Variants in RGS9 observed in about 807,000 individuals in gnomAD.
RGS9 encodes the protein regulator of G protein signaling 9.
In RGS9, 78 loss-of-function variants were observed where a neutral mutation model predicts 102.0. The observed-to-expected ratio is 0.76, with a 90% CI of 0.64 to 0.92. RGS9 has a LOEUF of 0.92. RGS9 is among the 40% of genes least tolerant of loss of function. The pLI, the probability that RGS9 is intolerant of heterozygous loss-of-function variation, is 0.00. For missense variants in RGS9, 833 were observed against 866.1 expected, an observed-to-expected ratio of 0.96 and a Z score of 0.48; for synonymous variants, 353 against 318.6, an observed-to-expected ratio of 1.11 and a Z score of -1.15.
chr17:65,144,378 A>G (rs934875935), intron 1 of RGS9, among the ~76,000 whole-genome samples: 1 of 152,170 alleles, frequency 6.6e-6, no homozygotes, highest in African/African-American at 2.4e-5. Flanking sequence ...CAGAGCCATC[A>G]AAGCCCTCAT....
chr17:65,149,752 A>G (rs544902140), intron 1 of RGS9, among the ~76,000 whole-genome samples: 4 of 152,350 alleles, frequency 2.6e-5, no homozygotes, highest in South Asian at 2.1e-4. Flanking sequence ...AGGGATTATA[A>G]AGTCACAAAT....
chr17:65,215,496 CGTTCT>C (rs1567893280), intron 17 of RGS9, among the ~76,000 whole-genome samples: 27 of 110,020 alleles, frequency 2.5e-4, no homozygotes, highest in Middle Eastern at 4.3e-3. Context: ...TTCGTTCTTT[CGTTCT>C]TTCTTTCTTT....
intron 8 of RGS9, among the ~76,000 whole-genome samples, chr17:65,172,930 C>CT (rs543976250): frequency 0.08 from 11,821 of 148,140 alleles, 553 homozygotes; most frequent in Middle Eastern, 0.13. Flanking sequence ...TTCTTTCTTT[C>CT]TTTTTTTTTT....
chr17:65,202,531 G>C (rs1912899733), intron 14 of RGS9, among the ~76,000 whole-genome samples: 1 of 151,908 alleles, frequency 6.6e-6, no homozygotes, highest in Non-Finnish European at 1.5e-5. Context: ...TTAGAGATGT[G>C]AGGAACACAG....
intron 18 of RGS9, among the ~76,000 whole-genome samples, chr17:65,227,051 A>T (rs1303441577): frequency 6.6e-6 from 1 of 152,230 alleles, no homozygotes; most frequent in African/African-American, 2.4e-5. Flanking sequence ...TTTTTCATTC[A>T]AAATGAAAAT....
intron 13 of RGS9, 127 bp downstream of exon 13, chr17:65,197,368 G>A: frequency 2.8e-6 from 2 of 713,088 alleles, no homozygotes; most frequent in Non-Finnish European, 5.0e-6. Context: ...CCCTTAAACA[G>A]TTGCTTCCTT....
chr17:65,179,447 A>T (rs1911769009), intron 9 of RGS9, among the ~76,000 whole-genome samples: 1 of 152,090 alleles, frequency 6.6e-6, no homozygotes, highest in Non-Finnish European at 1.5e-5. Flanking sequence ...ATGGAAACAG[A>T]ATCCTCGAGT....
intron 14 of RGS9, 61 bp downstream of exon 14, chr17:65,202,141 T>G: frequency 8.7e-7 from 1 of 1,153,304 alleles, no homozygotes; most frequent in South Asian, 1.2e-5. Flanking sequence ...CACCCCATTG[T>G]GCTTGAGGTG....
chr17:65,152,355 G>A (rs938299), intron 1 of RGS9, among the ~76,000 whole-genome samples: 77,689 of 151,866 alleles, frequency 0.51, 22,965 homozygotes, highest in African/African-American at 0.83. Context: ...GAGAGGAAGG[G>A]GGTCCCGAAC....
intron 11 of RGS9, among the ~76,000 whole-genome samples, chr17:65,190,709 TCTGGCTA>T (rs1912334150): frequency 6.6e-6 from 1 of 152,228 alleles, no homozygotes; most frequent in Non-Finnish European, 1.5e-5. Flanking sequence ...TATTGAACTT[TCTGGCTA>T]CCTTGACCCA....
rs377436093 is a variant in RGS9, at chr17:65,153,567, C to G, written c.154+49C>G. On this transcript the variant is annotated intron_variant, in intron 2 of 18. Coordinates refer to ENST00000262406, the MANE Select transcript of RGS9 (RefSeq NM_003835.4). Reference sequence around the variant, plus strand: ...TTGGCCTGGAATAGACCCCACAGGCCCAATACGGCCCACCTCCTGTGTTTG... The same window carrying G: ...TTGGCCTGGAATAGACCCCACAGGCGCAATACGGCCCACCTCCTGTGTTTG... The G allele has an allele frequency of 1.2e-4, 168 of 1,384,550 alleles. No individual in the cohort carries two copies. In the African/African-American group the frequency reaches 1.8e-3, roughly 15 times the overall value. 85.8% of individuals were successfully genotyped at this position (1,384,550 alleles called of 1,614,324 possible). A position where few individuals can be genotyped will look rare whatever the true frequency, so the allele number is the denominator to read the frequency against.
intron 1 of RGS9, among the ~76,000 whole-genome samples, chr17:65,147,430 G>C (rs1233825924): frequency 3.9e-5 from 6 of 152,048 alleles, no homozygotes; most frequent in Non-Finnish European, 7.4e-5. Context: ...TCAGCATCAA[G>C]TTAGGTCATG....
At chr17:65,202,878 T>A (rs942355858) in intron 14 of RGS9, among the ~76,000 whole-genome samples, 1 of 152,164 alleles carries the variant, frequency 6.6e-6, no homozygotes, top group Non-Finnish European at 1.5e-5. Flanking sequence ...CCCATCTCTG[T>A]GGGTCCTTTC....
At chr17:65,216,435 C>T (rs1044833573) in intron 17 of RGS9, among the ~76,000 whole-genome samples, 2 of 152,066 alleles carry the variant, frequency 1.3e-5, no homozygotes, top group African/African-American at 2.4e-5. Flanking sequence ...GTCAGGAAAT[C>T]GAAGCATCCT....
At chr17:65,156,045 A>G (rs1401918447) in intron 2 of RGS9, among the ~76,000 whole-genome samples, 2 of 151,742 alleles carry the variant, frequency 1.3e-5, no homozygotes, top group Admixed American at 1.3e-4. Context: ...TTTTTTTGAG[A>G]CAGGGTCTTT....
intron 7 of RGS9, among the ~76,000 whole-genome samples, chr17:65,167,035 C>T (rs1387080230): frequency 6.6e-6 from 1 of 152,052 alleles, no homozygotes; most frequent in African/African-American, 2.4e-5. Context: ...CAAGCATTAA[C>T]AAGTGTGAGC....
At chr17:65,162,084 C>G (rs1911007190) in intron 6 of RGS9, among the ~76,000 whole-genome samples, 1 of 152,128 alleles carries the variant, frequency 6.6e-6, no homozygotes, top group African/African-American at 2.4e-5. Context: ...ATTTGTGATG[C>G]TCTGTTGTTG....
chr17:65,164,011 A>G lies in RGS9; in HGVS notation c.500+922A>G, dbSNP rs1242470778. Among the ~76,000 whole-genome samples the G allele has an allele frequency of 2.0e-5, 3 of 152,358 alleles. No homozygotes were observed. The South Asian group carries it at 6.2e-4, about 32-fold the overall frequency. ...CGTTCACTTGCATTTGCCTGTTGCCATATCAGAACTGGAACTGGAAGTCCC... is the reference window on the plus strand; with the variant it reads ...CGTTCACTTGCATTTGCCTGTTGCCGTATCAGAACTGGAACTGGAAGTCCC... On this transcript the variant is annotated intron_variant, in intron 7 of 18. Transcript: ENST00000262406.
chr17:65,138,910 T>C lies in RGS9; in HGVS notation c.57+1313T>C, dbSNP rs1910014388. Among the ~76,000 whole-genome samples the C allele has an allele frequency of 3.0e-5, 3 of 99,170 alleles. No individual in the cohort carries two copies. The Admixed American group carries it at 3.5e-4, about 12-fold the overall frequency. The allele number at this position is 99,170 out of a possible 152,430, so 65.1% of individuals were successfully genotyped here. Reference sequence around the variant, plus strand: ...TACCTTGGTCTTCTGACTAGTGTCTTGGTCTCTAGTTTCTCTCCTCCACCC... The same window carrying C: ...TACCTTGGTCTTCTGACTAGTGTCTCGGTCTCTAGTTTCTCTCCTCCACCC... On this transcript the variant is annotated intron_variant, in intron 1 of 18. Transcript: ENST00000262406.
Sources: allele counts gnomAD v4.1 joint callset (sites outside exome capture counted in the v4.1 genomes callset), GRCh38; gene constraint gnomAD v4.1.1; transcripts MANE v1.5; gene names NCBI Gene and HGNC (gene_info 2026-07-23, HGNC 2026-07-21).